ADRA1B: variants seen among roughly 807,000 people sequenced by gnomAD.
The protein encoded by ADRA1B is adrenoceptor alpha 1B, also known as alpha-1B adrenergic receptor.
Under a neutral mutation model 17.9 loss-of-function variants are expected in ADRA1B, and 17 were observed. That is an observed-to-expected ratio of 0.95 (90% CI 0.65 to 1.42). ADRA1B has a LOEUF of 1.42. Ranked by LOEUF, ADRA1B falls within the 40% of genes most tolerant of loss-of-function variation. The pLI, the probability that ADRA1B is intolerant of heterozygous loss-of-function variation, is 0.00. For synonymous variants in ADRA1B, 366 were observed against 327.6 expected (o/e 1.12, Z -1.27); for missense variants, 681 against 722.1 (o/e 0.94, Z 0.65).
downstream of ADRA1B, among the ~76,000 whole-genome samples, chr5:159,975,347 G>T (rs1456134107): frequency 1.3e-5 from 2 of 152,110 alleles, no homozygotes; most frequent in Admixed American, 6.5e-5. Context: ...AGTCAGTAGG[G>T]CCTTGGTTCA....
chr5:159,962,970 G>C (rs1157419963), intron 1 of ADRA1B, among the ~76,000 whole-genome samples: 2 of 73,812 alleles, frequency 2.7e-5, no homozygotes, highest in African/African-American at 5.7e-5. Context: ...CGTCTATGTT[G>C]CCCAGGTTGT....
At chr5:159,890,545 G>A (rs1753971541) in intron 1 of ADRA1B, among the ~76,000 whole-genome samples, 1 of 152,120 alleles carries the variant, frequency 6.6e-6, no homozygotes, top group Non-Finnish European at 1.5e-5. Flanking sequence ...AAATTCAAAG[G>A]CTGAAGGCTG....
chr5:159,959,545 A>G (rs1263591777), intron 1 of ADRA1B, among the ~76,000 whole-genome samples: 1 of 152,234 alleles, frequency 6.6e-6, no homozygotes, highest in Non-Finnish European at 1.5e-5. Context: ...TAGAGAGAAG[A>G]GCAGAGACTT....
the ADRA1B span, among the ~76,000 whole-genome samples, chr5:159,987,930 C>A: frequency 6.6e-6 from 1 of 152,128 alleles, no homozygotes; most frequent in South Asian, 2.1e-4. Context: ...GAATGCCCCC[C>A]CTCGGCCGGC....
intron 1 of ADRA1B, among the ~76,000 whole-genome samples, chr5:159,935,265 A>C (rs1423514668): frequency 1.3e-5 from 2 of 152,182 alleles, no homozygotes; most frequent in African/African-American, 4.8e-5. Context: ...ATATCAGATG[A>C]CTTTACCTAA....
intron 1 of ADRA1B, among the ~76,000 whole-genome samples, chr5:159,875,212 T>C (rs1181087439): frequency 1.3e-5 from 2 of 152,158 alleles, no homozygotes; most frequent in African/African-American, 2.4e-5. Flanking sequence ...ACAGGACTTA[T>C]ACTAAGAGAA....
At chr5:159,938,011 T>A (rs1299652258) in intron 1 of ADRA1B, among the ~76,000 whole-genome samples, 1 of 152,200 alleles carries the variant, frequency 6.6e-6, no homozygotes, top group African/African-American at 2.4e-5. Context: ...AGGCTTTTCC[T>A]CTTACTAGCT....
chr5:159,978,825 C>G, the ADRA1B span, among the ~76,000 whole-genome samples: 1 of 152,242 alleles, frequency 6.6e-6, no homozygotes, highest in Non-Finnish European at 1.5e-5. Flanking sequence ...CCACTACTGT[C>G]AGAAGCATGC....
intron 1 of ADRA1B, among the ~76,000 whole-genome samples, chr5:159,873,586 C>T (rs1411451194): frequency 1.3e-5 from 2 of 152,184 alleles, no homozygotes; most frequent in African/African-American, 2.4e-5. Context: ...CCCCAAGTGC[C>T]GATCCCTAAC....
chr5:159,870,795 A>G (rs1490864507), intron 1 of ADRA1B: 1 of 152,246 alleles, frequency 6.6e-6, no homozygotes, highest in East Asian at 1.9e-4. Context: ...AATAGAGGAT[A>G]GTCAAAAGTT....
At chr5:159,944,581 T>C (rs1164513245) in intron 1 of ADRA1B, among the ~76,000 whole-genome samples, 1 of 152,202 alleles carries the variant, frequency 6.6e-6, no homozygotes, top group African/African-American at 2.4e-5. Flanking sequence ...GATGAATGAA[T>C]GAGAGAAACT....
chr5:159,881,091 G>T (rs1051348255), intron 1 of ADRA1B, among the ~76,000 whole-genome samples: 4 of 150,176 alleles, frequency 2.7e-5, no homozygotes, highest in African/African-American at 4.9e-5. Context: ...GGAGAATGGC[G>T]TGAACCCAGG....
chr5:159,891,073 GATGGTAGCT>G (rs1753979006), intron 1 of ADRA1B, among the ~76,000 whole-genome samples: 1 of 152,168 alleles, frequency 6.6e-6, no homozygotes, highest in South Asian at 2.1e-4. Context: ...CCCCCTCTAA[GATGGTAGCT>G]ATGCTCAGTG....
Position 159,972,939 on chromosome 5 carries a change from C to T in ADRA1B, c.*447C>T, listed in dbSNP as rs1214948090. On this transcript the variant is annotated 3_prime_UTR_variant, in exon 2 of 2. Coordinates refer to ENST00000306675, the MANE Select transcript of ADRA1B (RefSeq NM_000679.4). Reference sequence around the variant, plus strand: ...TGACTTCGTACCTCTCAAGCCCCTCCTTGTACTTCACTGAAGGATGGCACT... The same window carrying T: ...TGACTTCGTACCTCTCAAGCCCCTCTTTGTACTTCACTGAAGGATGGCACT... Among the ~76,000 whole-genome samples the T allele has an allele frequency of 6.6e-6, 1 of 152,218 alleles. No homozygotes were observed. The highest frequency in any genetic ancestry group is 1.9e-4 in the East Asian group (1 of 5,192).
chr5:159,920,749 G>A (rs1754455772), intron 1 of ADRA1B, among the ~76,000 whole-genome samples: 1 of 152,174 alleles, frequency 6.6e-6, no homozygotes. Flanking sequence ...AAATAGAGAT[G>A]TGAGTTTCTA....
At chr5:159,876,905 C>T (rs2113080412) in intron 1 of ADRA1B, among the ~76,000 whole-genome samples, 1 of 152,300 alleles carries the variant, frequency 6.6e-6, no homozygotes, top group East Asian at 1.9e-4. Flanking sequence ...GGGCCTGGCG[C>T]TTGTGTTTCA....
intron 1 of ADRA1B, among the ~76,000 whole-genome samples, chr5:159,880,562 C>T (rs1249949648): frequency 1.3e-5 from 2 of 152,222 alleles, no homozygotes; most frequent in Non-Finnish European, 2.9e-5. Context: ...CCCTACAAAG[C>T]TCATGAAAAC....
chr5:159,938,427 A>T (rs1755015157), intron 1 of ADRA1B, among the ~76,000 whole-genome samples: 1 of 152,222 alleles, frequency 6.6e-6, no homozygotes, highest in Admixed American at 6.5e-5. Context: ...CTGGGGAGAG[A>T]TTTCCTAGCC....
At chr5:159,885,863 C>T (rs1227465857) in intron 1 of ADRA1B, among the ~76,000 whole-genome samples, 2 of 152,154 alleles carry the variant, frequency 1.3e-5, no homozygotes, top group East Asian at 1.9e-4. Context: ...TGCACTTAAC[C>T]GTTGTGACAA....
Sources: gnomAD v4.1 joint callset for allele counts (sites outside exome capture counted in the v4.1 genomes callset) on GRCh38, gnomAD v4.1.1 for gene constraint, MANE v1.5 for transcripts, NCBI Gene and HGNC (gene_info 2026-07-23, HGNC 2026-07-21) for gene names.